SUMF1: variants seen among roughly 807,000 people sequenced by gnomAD.
SUMF1 encodes the protein formylglycine-generating enzyme.
SUMF1 carries 48 observed loss-of-function variants against 47.6 expected under a neutral mutation model. That is an observed-to-expected ratio of 1.01 (90% CI 0.80 to 1.28). The LOEUF (loss-of-function observed/expected upper bound fraction) is 1.28, where lower values mean the gene tolerates loss of function less well. Among genes scored for constraint, SUMF1 ranks in the 50% most tolerant of loss-of-function variants. The pLI, the probability that SUMF1 is intolerant of heterozygous loss-of-function variation, is 0.00. For synonymous variants in SUMF1, 230 were observed against 192.1 expected, an observed-to-expected ratio of 1.20 and a Z score of -1.63; for missense variants, 571 against 485.4, an observed-to-expected ratio of 1.18 and a Z score of -1.66.
chr3:4,181,915 G>T (rs1478697397), intron 8 of SUMF1, among the ~76,000 whole-genome samples: 3 of 150,082 alleles, frequency 2.0e-5, no homozygotes, highest in Non-Finnish European at 4.4e-5. Context: ...CTGCATTCTG[G>T]CACTGAGCTC....
At chr3:4,345,753 A>C (rs567455377) in intron 8 of SUMF1, among the ~76,000 whole-genome samples, 27 of 152,328 alleles carry the variant, frequency 1.8e-4, no homozygotes, top group African/African-American at 6.5e-4. Flanking sequence ...TTGGATAAGG[A>C]GTCAAGACCC....
intron 9 of SUMF1, among the ~76,000 whole-genome samples, chr3:4,048,899 T>C (rs1284762164): frequency 6.6e-6 from 1 of 152,152 alleles, no homozygotes; most frequent in African/African-American, 2.4e-5. Context: ...TCAATAAACA[T>C]TTACTGGATA....
intron 9 of SUMF1, among the ~76,000 whole-genome samples, chr3:4,067,972 A>T (rs571503718): frequency 6.6e-6 from 1 of 152,150 alleles, no homozygotes; most frequent in Non-Finnish European, 1.5e-5. Context: ...AAAAGCAAAA[A>T]TATCTTGCCT....
intron 8 of SUMF1, among the ~76,000 whole-genome samples, chr3:4,305,438 A>G (rs1698152211): frequency 6.6e-6 from 1 of 152,172 alleles, no homozygotes; most frequent in Non-Finnish European, 1.5e-5. Flanking sequence ...CTGACTTCAG[A>G]GGGAGCAGGT....
intron 8 of SUMF1, among the ~76,000 whole-genome samples, chr3:4,215,602 T>C (rs1306146512): frequency 6.6e-6 from 1 of 152,200 alleles, no homozygotes; most frequent in African/African-American, 2.4e-5. Context: ...GGAAGTCAAA[T>C]CGTCTCTGTT....
intron 8 of SUMF1, among the ~76,000 whole-genome samples, chr3:4,117,149 T>A (rs1055436049): frequency 1.3e-5 from 2 of 152,158 alleles, no homozygotes; most frequent in African/African-American, 4.8e-5. Context: ...GGAAACTAAT[T>A]TTCTCTAAGC....
At chr3:4,204,181 A>C (rs1340640606) in intron 8 of SUMF1, among the ~76,000 whole-genome samples, 1 of 152,088 alleles carries the variant, frequency 6.6e-6, no homozygotes, top group Non-Finnish European at 1.5e-5. Flanking sequence ...TGGTGTTGAC[A>C]AAACTTCTTG....
intron 8 of SUMF1, chr3:4,303,373 G>T: frequency 6.5e-7 from 1 of 1,547,658 alleles, no homozygotes; most frequent in Non-Finnish European, 8.7e-7. Flanking sequence ...GCGGGTAAAT[G>T]TTCGCGGAAG....
intron 8 of SUMF1, among the ~76,000 whole-genome samples, chr3:4,237,100 T>C (rs926427884): frequency 6.6e-6 from 1 of 152,154 alleles, no homozygotes; most frequent in Non-Finnish European, 1.5e-5. Flanking sequence ...CTAAATAATA[T>C]CACATCATAG....
chr3:4,425,770 G>T (rs1702048990), intron 3 of SUMF1, among the ~76,000 whole-genome samples: 1 of 152,168 alleles, frequency 6.6e-6, no homozygotes, highest in Non-Finnish European at 1.5e-5. Flanking sequence ...CTGAAACTGG[G>T]TAATTTATAA....
At chr3:4,432,378 T>C (rs568688899) in intron 3 of SUMF1, among the ~76,000 whole-genome samples, 1 of 152,204 alleles carries the variant, frequency 6.6e-6, no homozygotes, top group East Asian at 1.9e-4. Flanking sequence ...CAAAACCCCA[T>C]ACAGAACCAG....
intron 8 of SUMF1, among the ~76,000 whole-genome samples, chr3:4,215,833 G>A (rs1695910897): frequency 6.6e-6 from 1 of 152,112 alleles, no homozygotes; most frequent in South Asian, 2.1e-4. Context: ...CAACTCATAA[G>A]GAATGTGAAG....
intron 8 of SUMF1, among the ~76,000 whole-genome samples, chr3:4,166,018 G>A (rs1211267254): frequency 6.6e-6 from 1 of 152,078 alleles, no homozygotes; most frequent in Non-Finnish European, 1.5e-5. Context: ...CACCAATGCA[G>A]CAGCAGAAAT....
chr3:4,264,526 CA>C (rs1697150237), intron 8 of SUMF1, among the ~76,000 whole-genome samples: 1 of 152,072 alleles, frequency 6.6e-6, no homozygotes, highest in African/African-American at 2.4e-5. Flanking sequence ...ACACGACAAA[CA>C]GCAGGGAAAG....
chr3:4,401,665 G>T (rs1701216711), intron 7 of SUMF1, among the ~76,000 whole-genome samples: 1 of 152,166 alleles, frequency 6.6e-6, no homozygotes, highest in African/African-American at 2.4e-5. Context: ...TGGAAACCCA[G>T]GCGACTGACC....
chr3:4,357,000 G>GAC (rs1442499521), downstream of SUMF1, among the ~76,000 whole-genome samples: 2 of 58,162 alleles, frequency 3.4e-5, no homozygotes, highest in Non-Finnish European at 5.3e-5. Flanking sequence ...CTGAAAAACT[G>GAC]AGTGCAGATA....
At chr3:4,174,016 G>T (rs1694898369) in intron 8 of SUMF1, among the ~76,000 whole-genome samples, 1 of 152,078 alleles carries the variant, frequency 6.6e-6, no homozygotes, top group Non-Finnish European at 1.5e-5. Flanking sequence ...ATCTGCACAT[G>T]ATTTACCCAG....
At chr3:4,123,237 A>G (rs1559489497) in intron 8 of SUMF1, among the ~76,000 whole-genome samples, 1 of 152,194 alleles carries the variant, frequency 6.6e-6, no homozygotes, top group Non-Finnish European at 1.5e-5. Flanking sequence ...GTTGAGAACT[A>G]AATCTTCAGC....
intron 9 of SUMF1, among the ~76,000 whole-genome samples, chr3:4,049,411 C>T (rs931426263): frequency 6.6e-6 from 1 of 152,132 alleles, no homozygotes; most frequent in Non-Finnish European, 1.5e-5. Flanking sequence ...AAAATATTTG[C>T]TGGATGGCAC....
Sources: gnomAD v4.1 joint callset for allele counts (sites outside exome capture counted in the v4.1 genomes callset) on GRCh38, gnomAD v4.1.1 for gene constraint, MANE v1.5 for transcripts, NCBI Gene and HGNC (gene_info 2026-07-23, HGNC 2026-07-21) for gene names.